The following SCAP variants were observed in gnomAD, a reference collection of about 807,000 sequenced individuals.
The protein encoded by SCAP is SREBF chaperone.
In SCAP, 65 loss-of-function variants were observed where a neutral mutation model predicts 123.6. The ratio of observed to expected loss-of-function variants is 0.53; its 90% CI spans 0.43 to 0.65. SCAP has a LOEUF of 0.65. Ranked by LOEUF, SCAP falls within the 30% of genes least tolerant of loss-of-function variation. SCAP has a pLI of 0.00. For missense variants in SCAP, 1,398 were observed against 1,712.5 expected (o/e 0.82, Z 3.24); for synonymous variants, 740 against 726.3 (o/e 1.02, Z -0.30).
chr3:47,471,890 C>T (rs1431140267), intron 1 of SCAP, among the ~76,000 whole-genome samples: 1 of 151,922 alleles, frequency 6.6e-6, no homozygotes, highest in Non-Finnish European at 1.5e-5. Flanking sequence ...CCTGTAATCC[C>T]AGCACTTTGG....
Position 47,417,550 on chromosome 3 carries a change from T to C in SCAP, c.2724A>G (p.Pro908=). Residue 908 remains proline (P), a synonymous_variant, in exon 17 of 23, where the codon CCA becomes CCG. Coordinates refer to ENST00000265565, the MANE Select transcript of SCAP (RefSeq NM_012235.4). The part of the protein sequence containing the change: ...RAVCGRSRDS[P]GYDFSCLVQR... The stretch of plus-strand genomic sequence containing the variant: ...GCACCAGGCAGCTGAAGTCATAGCC[T>C]GGGGAGTCCCGAGAGCGGCCACAGA... The C allele has an allele frequency of 6.3e-7, 1 of 1,576,590 alleles. No homozygotes were observed. The highest frequency in any genetic ancestry group is 8.6e-7 in the Non-Finnish European group (1 of 1,162,022).
chr3:47,447,876 G>T (rs941650953), intron 1 of SCAP, among the ~76,000 whole-genome samples: 4 of 151,502 alleles, frequency 2.6e-5, no homozygotes, highest in African/African-American at 7.3e-5. Context: ...ATGGTGGCGT[G>T]TGCCTGTAAT....
intron 1 of SCAP, among the ~76,000 whole-genome samples, chr3:47,474,602 C>T (rs906761517): frequency 1.3e-5 from 2 of 152,110 alleles, no homozygotes; most frequent in Admixed American, 1.3e-4. Flanking sequence ...AAAGACCAGC[C>T]TGGGCAACAC....
At chr3:47,425,426 T>C in intron 8 of SCAP, 59 bp downstream of exon 8, 2 of 1,558,798 alleles carry the variant, frequency 1.3e-6, no homozygotes, top group South Asian at 1.2e-5. Context: ...AACCCAGAAG[T>C]GCAAGGCTCT....
At chr3:47,428,706 T>C in intron 3 of SCAP, 36 bp from the exon 4 acceptor site, 1 of 1,608,486 alleles carries the variant, frequency 6.2e-7, no homozygotes, top group Non-Finnish European at 8.5e-7. Context: ...AAAGGGCAGC[T>C]GAGCACAGGA....
intron 1 of SCAP, among the ~76,000 whole-genome samples, chr3:47,466,621 T>G (rs769504120): frequency 2.6e-5 from 4 of 152,082 alleles, no homozygotes; most frequent in African/African-American, 4.8e-5. Flanking sequence ...TGGACTCTTA[T>G]ACACAAAAAT....
intron 1 of SCAP, among the ~76,000 whole-genome samples, chr3:47,443,610 A>G (rs1287870397): frequency 6.6e-6 from 1 of 152,188 alleles, no homozygotes; most frequent in East Asian, 1.9e-4. Context: ...AGCCCTCAAC[A>G]TAAAAACGCT....
At chr3:47,418,923 C>G (rs889009445) in intron 13 of SCAP, 80 bp from the exon 14 acceptor site, 1 of 1,376,884 alleles carries the variant, frequency 7.3e-7, no homozygotes. Flanking sequence ...AGTCCTCTCC[C>G]TCCTCCCCAG....
At chr3:47,467,672 T>A (rs372898041) in intron 1 of SCAP, among the ~76,000 whole-genome samples, 2 of 151,494 alleles carry the variant, frequency 1.3e-5, no homozygotes, top group East Asian at 3.9e-4. Flanking sequence ...CCAATCAACA[T>A]ATGAAAAATT....
chr3:47,460,638 T>C (rs1707596827), intron 1 of SCAP, among the ~76,000 whole-genome samples: 1 of 152,092 alleles, frequency 6.6e-6, no homozygotes, highest in Non-Finnish European at 1.5e-5. Flanking sequence ...CTGCAACCTC[T>C]GCCCCCGCCC....
chr3:47,425,889 G>A (rs920028334), intron 7 of SCAP, 108 bp downstream of exon 7: 5 of 1,247,998 alleles, frequency 4.0e-6, no homozygotes, highest in Non-Finnish European at 5.6e-6. Flanking sequence ...ACCACCAGGT[G>A]TGTTCTATCT....
At position 47,462,704 on chromosome 3, in the gene SCAP, G is replaced by C. The variant is rs142781809; in HGVS notation, c.-99+13095C>G. ...AGAGGCGGAGGTTGCAGTGAGCCAA[G>C]ATCGCGCCATTGCACCCCAGACTGG... On this transcript the variant is annotated intron_variant, in intron 1 of 22. Coordinates refer to ENST00000265565, the MANE Select transcript of SCAP (RefSeq NM_012235.4). Among the ~76,000 whole-genome samples, 421 of 139,164 alleles carry C rather than the reference G, an allele frequency of 3.0e-3. 2 individuals are homozygous for C. Among genetic ancestry groups the C allele is most frequent in the African/African-American group, 0.011 (396 of 37,270 alleles). 91.3% of individuals were successfully genotyped at this position (139,164 alleles called of 152,430 possible). A position where few individuals can be genotyped will look rare whatever the true frequency, so the allele number is the denominator to read the frequency against.
rs1402120193 is a variant in SCAP at position 47,414,226 on chromosome 3, C to T, written c.3548G>A (p.Ser1183Asn). Residue 1183 changes from serine to asparagine, a missense_variant, in exon 22 of 23, where the codon AGC becomes AAC. By Grantham distance (46) the Ser-to-Asn change is conservative. Around this residue, in one of 7 missense-constraint regions of SCAP, gnomAD observed 130 missense variants for 166.7 expected, o/e 0.78. Transcript: ENST00000265565. Reference protein sequence around the residue: ...VISSGLDDLISIWDRSTGIKF... With the variant: ...VISSGLDDLINIWDRSTGIKF... ...GATGCCTGTGCTGCGGTCCCAGATG[C>T]TGATGAGGTCATCCAGGCCACTGCT... The T allele has an allele frequency of 1.9e-6, 3 of 1,613,722 alleles. No individual in the cohort carries two copies. Among genetic ancestry groups the T allele is most frequent in the Non-Finnish European group, 2.5e-6 (3 of 1,180,014 alleles).
At position 47,475,496 on chromosome 3, in the gene SCAP, G is replaced by C. The variant is rs916254961; in HGVS notation, c.-99+303C>G. 2.0e-5 allele frequency: 3 copies of C among 152,430 alleles called. No individual in the cohort carries two copies. In the East Asian group the frequency reaches 5.8e-4, roughly 29 times the overall value. 9.4% of individuals were successfully genotyped at this position (152,430 alleles called of 1,614,324 possible). The stretch of plus-strand genomic sequence containing the variant: ...CTACAACAGCTTCCCGGAGCAACTA[G>C]GCCAGGGGATGCGACGCCGCGCATC... On this transcript the variant is annotated intron_variant, in intron 1 of 22. Transcript: ENST00000265565.
chr3:47,441,117 G>A (rs1442724958), intron 2 of SCAP, among the ~76,000 whole-genome samples: 1 of 152,062 alleles, frequency 6.6e-6, no homozygotes, highest in Non-Finnish European at 1.5e-5. Flanking sequence ...GGCCAGGATG[G>A]TCTCGATCGC....
chr3:47,435,170 CA>C, intron 2 of SCAP, 33 bp from the exon 3 acceptor site: 1 of 1,595,702 alleles, frequency 6.3e-7, no homozygotes, highest in Non-Finnish European at 8.5e-7. Context: ...AAGAATTAGA[CA>C]CTATGAGAGG....
chr3:47,413,688 C>T lies in SCAP; in HGVS notation c.*166G>A, dbSNP rs970571552. The T allele has an allele frequency of 1.3e-5, 12 of 956,486 alleles. No individual in the cohort carries two copies. The highest frequency in any genetic ancestry group is 3.4e-4 in the Middle Eastern group (1 of 2,922). The allele number at this position is 956,486 out of a possible 1,614,324, so 59.2% of individuals were successfully genotyped here. The stretch of plus-strand genomic sequence containing the variant: ...AATTCCAAGAGACACAAGTAGCTCC[C>T]AAAGTGCCTGACAGATGATGATATG... On this transcript the variant is annotated 3_prime_UTR_variant, in exon 23 of 23. Transcript: ENST00000265565.
intron 16 of SCAP, 58 bp downstream of exon 16, chr3:47,418,076 G>C (rs1373909019): frequency 1.6e-6 from 2 of 1,232,250 alleles, no homozygotes; most frequent in African/African-American, 4.3e-5. Flanking sequence ...CGTGGCGGCG[G>C]GGGGTGGGGT....
At chr3:47,434,348 C>T (rs1706484491) in intron 3 of SCAP, among the ~76,000 whole-genome samples, 2 of 152,204 alleles carry the variant, frequency 1.3e-5, no homozygotes, top group Non-Finnish European at 2.9e-5. Context: ...GCAAAAGGTA[C>T]ACAGATGAGC....
Sources: gnomAD v4.1 joint callset for allele counts (sites outside exome capture counted in the v4.1 genomes callset) on GRCh38, gnomAD v4.1.1 for gene constraint, gnomAD v4.1.1 regional missense constraint, MANE v1.5 for transcripts, NCBI Gene and HGNC (gene_info 2026-07-23, HGNC 2026-07-21) for gene names.